The following HCN1 variants were observed in gnomAD, a reference collection of about 807,000 sequenced individuals.
The protein encoded by HCN1 is hyperpolarization activated cyclic nucleotide gated potassium channel 1, also known as potassium/sodium hyperpolarization-activated cyclic nucleotide-gated channel 1.
A neutral mutation model predicts 78.9 loss-of-function variants in HCN1; 13 were observed. The observed-to-expected ratio is 0.16, with a 90% CI of 0.11 to 0.26. HCN1 has a LOEUF of 0.26. Ranked by LOEUF, HCN1 falls within the 10% of genes least tolerant of loss-of-function variation. The pLI is 1.00. For missense variants in HCN1, 810 were observed against 1,154.3 expected (o/e 0.70, Z 4.32); for synonymous variants, 552 against 455.5 (o/e 1.21, Z -2.70).
intron 6 of HCN1, among the ~76,000 whole-genome samples, chr5:45,301,596 C>T (rs1043026885): frequency 6.0e-5 from 9 of 151,230 alleles, no homozygotes; most frequent in Non-Finnish European, 8.8e-5. Flanking sequence ...GGGACACATG[C>T]CTGTGGTCCC....
chr5:45,380,367 T>C (rs1220778435), intron 4 of HCN1, among the ~76,000 whole-genome samples: 5 of 152,088 alleles, frequency 3.3e-5, no homozygotes, highest in Admixed American at 6.6e-5. Flanking sequence ...GGAATTAAGC[T>C]TCAACATGAA....
chr5:45,438,465 C>T (rs1250223013), intron 3 of HCN1, among the ~76,000 whole-genome samples: 1 of 151,908 alleles, frequency 6.6e-6, no homozygotes. Flanking sequence ...GTGTCAGGTG[C>T]CTGTAGTCCC....
intron 2 of HCN1, among the ~76,000 whole-genome samples, chr5:45,588,584 A>T (rs955353895): frequency 6.6e-6 from 1 of 152,112 alleles, no homozygotes; most frequent in Non-Finnish European, 1.5e-5. Flanking sequence ...CTGCCCCACC[A>T]GGCATTATGA....
rs143061115 is a variant in HCN1 at position 45,427,889 on chromosome 5, T to C, written c.1012-31179A>G. Among the ~76,000 whole-genome samples, 53 of 152,250 alleles carry C rather than the reference T, an allele frequency of 3.5e-4. No individual in the cohort carries two copies. In the East Asian group the frequency reaches 9.2e-3, roughly 27 times the overall value. ...CTGCTTTGCTATGATTGTATGAAGA[T>C]AGTTTTTTCATTATGCTCCATTTTC... On this transcript the variant is annotated intron_variant, in intron 3 of 7. Coordinates refer to ENST00000303230, the MANE Select transcript of HCN1 (RefSeq NM_021072.4).
intron 2 of HCN1, among the ~76,000 whole-genome samples, chr5:45,554,515 C>A (rs1743432429): frequency 6.6e-6 from 1 of 151,590 alleles, no homozygotes; most frequent in South Asian, 2.1e-4. Flanking sequence ...AGGCCTCAAC[C>A]TAGGGTTATT....
intron 4 of HCN1, among the ~76,000 whole-genome samples, chr5:45,372,661 TA>T (rs71000630): frequency 6.1e-4 from 49 of 80,336 alleles, no homozygotes; most frequent in Non-Finnish European, 8.6e-4. Flanking sequence ...ATAAAACATT[TA>T]TATATAAAAA....
intron 2 of HCN1, among the ~76,000 whole-genome samples, chr5:45,463,218 T>A (rs992822921): frequency 1.3e-5 from 2 of 152,032 alleles, no homozygotes; most frequent in African/African-American, 4.8e-5. Flanking sequence ...ATATCTATAA[T>A]TCTTAAAATA....
chr5:45,361,360 A>C (rs1747105659), intron 4 of HCN1, among the ~76,000 whole-genome samples: 1 of 152,100 alleles, frequency 6.6e-6, no homozygotes, highest in Non-Finnish European at 1.5e-5. Flanking sequence ...CTTTCAGTAG[A>C]GATGGGATTT....
intron 2 of HCN1, among the ~76,000 whole-genome samples, chr5:45,625,535 G>GA (rs575305048): frequency 1.4e-4 from 21 of 150,064 alleles, no homozygotes; most frequent in Non-Finnish European, 2.2e-4. Context: ...TAAGAGATGG[G>GA]AAAAAAAACA....
At chr5:45,605,526 T>G (rs949460160) in intron 2 of HCN1, among the ~76,000 whole-genome samples, 1 of 151,934 alleles carries the variant, frequency 6.6e-6, no homozygotes, top group Non-Finnish European at 1.5e-5. Flanking sequence ...ATGTCCATAA[T>G]ATATTCTTAA....
chr5:45,620,138 C>A (rs575181601), intron 2 of HCN1, among the ~76,000 whole-genome samples: 1 of 151,962 alleles, frequency 6.6e-6, no homozygotes, highest in Admixed American at 6.6e-5. Context: ...AAATACTTGC[C>A]CAGTACTCTT....
chr5:45,461,806 C>T (rs2111626832), intron 3 of HCN1, 40 bp downstream of exon 3: 2 of 1,553,876 alleles, frequency 1.3e-6, no homozygotes, highest in South Asian at 1.1e-5. Flanking sequence ...TTTGGCACAA[C>T]GTTGAAAAGT....
At chr5:45,328,894 C>G (rs866731858) in intron 5 of HCN1, among the ~76,000 whole-genome samples, 2 of 151,568 alleles carry the variant, frequency 1.3e-5, no homozygotes, top group Admixed American at 1.3e-4. Context: ...GGAACACAGT[C>G]TACACACTTC....
intron 2 of HCN1, among the ~76,000 whole-genome samples, chr5:45,468,452 G>T (rs1204443359): frequency 6.6e-6 from 1 of 151,854 alleles, no homozygotes; most frequent in African/African-American, 2.4e-5. Context: ...AGACATTTCA[G>T]TTATTTTTTA....
chr5:45,461,033 G>T (rs993888420), intron 3 of HCN1, among the ~76,000 whole-genome samples: 1 of 151,776 alleles, frequency 6.6e-6, no homozygotes, highest in African/African-American at 2.4e-5. Context: ...GTTTTATTAA[G>T]TAAAAATGTA....
rs1369519759 is a variant in HCN1, at chr5:45,312,367, TA to T, written c.1378-8529del. On this transcript the variant is annotated intron_variant, in intron 5 of 7. Transcript: ENST00000303230. ...ACACGATGTCTATTTATTTTAGATATAAAAGTATTTGCTGGGGGCGGTTCCA... is the reference window on the plus strand; with the variant it reads ...ACACGATGTCTATTTATTTTAGATATAAAGTATTTGCTGGGGGCGGTTCCA... Among the ~76,000 whole-genome samples the T allele has an allele frequency of 7.2e-5, 11 of 152,290 alleles. No homozygotes were observed. The South Asian group carries it at 2.3e-3, about 32-fold the overall frequency.
chr5:45,303,941 T>A (rs1461383423), intron 5 of HCN1, 102 bp from the exon 6 acceptor site: 7 of 1,024,790 alleles, frequency 6.8e-6, no homozygotes, highest in Non-Finnish European at 1.0e-5. Context: ...CATTGTAATT[T>A]AAATTTAGAT....
chr5:45,401,300 T>C (rs1460581625), intron 3 of HCN1, among the ~76,000 whole-genome samples: 1 of 152,150 alleles, frequency 6.6e-6, no homozygotes, highest in African/African-American at 2.4e-5. Flanking sequence ...TGAGAAGGCG[T>C]TCATGTATTT....
At chr5:45,581,130 T>A (rs1012736105) in intron 2 of HCN1, among the ~76,000 whole-genome samples, 3 of 152,326 alleles carry the variant, frequency 2.0e-5, no homozygotes, top group Non-Finnish European at 4.4e-5. Context: ...TCCACAATGG[T>A]TGAACTAGTT....
Sources: allele counts gnomAD v4.1 joint callset (sites outside exome capture counted in the v4.1 genomes callset), GRCh38; gene constraint gnomAD v4.1.1; transcripts MANE v1.5; gene names NCBI Gene and HGNC (gene_info 2026-07-23, HGNC 2026-07-21).